The following SAP130 variants were observed in gnomAD, a reference collection of about 807,000 sequenced individuals.
The protein encoded by SAP130 is Sin3A associated protein 130.
Under a neutral mutation model 103.2 loss-of-function variants are expected in SAP130, and 16 were observed. That is an observed-to-expected ratio of 0.16 (90% confidence interval 0.10 to 0.24). The LOEUF is 0.24. Among genes scored for constraint, SAP130 ranks in the 10% least tolerant of loss-of-function variants. SAP130 has a pLI of 1.00. For synonymous variants in SAP130, 477 were observed against 497.0 expected (o/e 0.96, Z 0.53); for missense variants, 990 against 1,359.7 (o/e 0.73, Z 4.28).
intron 14 of SAP130, among the ~76,000 whole-genome samples, chr2:127,979,879 TC>T (rs368903956): frequency 6.6e-6 from 1 of 151,530 alleles, no homozygotes; most frequent in African/African-American, 2.4e-5. Flanking sequence ...AAAATTTTTT[TC>T]TTTTTTTTTT....
chr2:127,946,148 G>C (rs1679061701), intron 18 of SAP130, among the ~76,000 whole-genome samples: 1 of 152,142 alleles, frequency 6.6e-6, no homozygotes, highest in South Asian at 2.1e-4. Flanking sequence ...CATTTTGCCG[G>C]AAGAAGTGGG....
At chr2:127,995,318 T>C (rs1683098874) in intron 11 of SAP130, among the ~76,000 whole-genome samples, 3 of 151,970 alleles carry the variant, frequency 2.0e-5, no homozygotes, top group Admixed American at 6.6e-5. Flanking sequence ...ATCTAGAATA[T>C]CTCGTCATTG....
At position 128,005,657 on chromosome 2, in the gene SAP130, T is replaced by A. The variant is rs200714539; in HGVS notation, c.869+4612A>T. 2.6e-5 allele frequency among the ~76,000 whole-genome samples: 4 copies of A among 152,010 alleles called. No homozygotes were observed. The East Asian group carries it at 7.7e-4, about 29-fold the overall frequency. On this transcript the variant is annotated intron_variant, in intron 7 of 20. Coordinates refer to ENST00000643581, the MANE Select transcript of SAP130 (RefSeq NM_001330301.2). ...TTCATATAGTTTTTCTTTCTTTTTT[T>A]TTTTTTTGAGACAGTGTCTCGCTCT... is the stretch of plus-strand genomic sequence containing the variant.
In SAP130 at chr2:127,993,220, T is replaced by A. The variant is rs1358319543; in HGVS notation, c.1444A>T (p.Thr482Ser). 2 of 1,613,792 alleles carry A rather than the reference T, an allele frequency of 1.2e-6. No individual in the cohort carries two copies. Among genetic ancestry groups the A allele is most frequent in the Non-Finnish European group, 1.7e-6 (2 of 1,179,934 alleles). Residue 482 changes from threonine to serine, a missense_variant, in exon 12 of 21, where the codon ACC (threonine) becomes TCC (serine). Physicochemically the swap from Thr to Ser is moderately conservative, Grantham distance 58 (BLOSUM62 1). Coordinates refer to ENST00000643581, the MANE Select transcript of SAP130 (RefSeq NM_001330301.2). Reference sequence around the variant, plus strand: ...TGTCGGATAGTGGACACGGAACTGGTGATTGGGGTGTAGGTATGTGCCGCC... The same window carrying A: ...TGTCGGATAGTGGACACGGAACTGGAGATTGGGGTGTAGGTATGTGCCGCC... ...PLAAHTYTPI[T>S]SSVSTIRQYP...
intron 14 of SAP130, among the ~76,000 whole-genome samples, chr2:127,981,865 C>T (rs1681961449): frequency 6.6e-6 from 1 of 152,016 alleles, no homozygotes; most frequent in Admixed American, 6.6e-5. Context: ...CCGACCCCGA[C>T]CCAGTTCTGG....
At chr2:127,982,869 A>C (rs925847848) in intron 14 of SAP130, among the ~76,000 whole-genome samples, 1 of 152,130 alleles carries the variant, frequency 6.6e-6, no homozygotes, top group Non-Finnish European at 1.5e-5. Context: ...AATGGACTGG[A>C]GGCTGCTGGG....
At position 127,978,067 on chromosome 2, in the gene SAP130, T is replaced by C. The variant is rs1681599810; in HGVS notation, c.1981A>G (p.Ile661Val). ...TDGMAVRKTL[I>V]PPQPPDVASP... is the part of the protein sequence containing the mutation. ...GCAACATCAGGAGGCTGAGGAGGAA[T>C]GAGGGTTTTCCGAACTGCCATTCTG... The change falls in exon 15 of 21, where the codon ATT becomes GTT. Residue 661 changes from isoleucine to valine, a missense_variant. Around this residue, in one of 6 missense-constraint regions of SAP130, gnomAD observed 349 missense variants for 384.1 expected, o/e 0.91. Transcript: ENST00000643581. 3 of 1,551,608 alleles carry C rather than the reference T, an allele frequency of 1.9e-6. No individual in the cohort carries two copies. The highest frequency in any genetic ancestry group is 1.7e-6 in the Non-Finnish European group (2 of 1,147,004).
intron 13 of SAP130, among the ~76,000 whole-genome samples, chr2:127,987,590 T>C (rs1339733581): frequency 1.3e-5 from 2 of 152,084 alleles, no homozygotes; most frequent in African/African-American, 4.8e-5. Context: ...TACTAGTTAC[T>C]TTACATTTTT....
chr2:128,027,275 C>G, intron 1 of SAP130: 2 of 1,170,116 alleles, frequency 1.7e-6, no homozygotes, highest in Non-Finnish European at 1.1e-6. Flanking sequence ...ACCCGGCCGC[C>G]GCTGTGCTCG....
intron 15 of SAP130, among the ~76,000 whole-genome samples, chr2:127,971,316 C>T (rs1273894626): frequency 1.4e-4 from 20 of 146,138 alleles, no homozygotes; most frequent in Admixed American, 9.0e-4. Context: ...GACGGAGTCT[C>T]GCTCTGTCAC....
chr2:128,017,583 G>A, intron 3 of SAP130, 97 bp downstream of exon 3: 1 of 1,056,242 alleles, frequency 9.5e-7, no homozygotes, highest in Non-Finnish European at 1.4e-6. Flanking sequence ...AATGAAATGT[G>A]ATCCTAAGAT....
At chr2:128,026,092 A>G in intron 2 of SAP130, 89 bp downstream of exon 2, 2 of 863,932 alleles carry the variant, frequency 2.3e-6, no homozygotes, top group Middle Eastern at 3.3e-4. Flanking sequence ...ATTTACTAAA[A>G]TCCTAGAAGA....
intron 1 of SAP130, chr2:128,027,359 G>A (rs986279346): frequency 1.4e-5 from 16 of 1,147,930 alleles, no homozygotes; most frequent in East Asian, 4.3e-5. Flanking sequence ...CGTCAGTGGA[G>A]GCCCAGGACC....
intron 2 of SAP130, among the ~76,000 whole-genome samples, chr2:128,019,464 C>T (rs1227109872): frequency 1.3e-5 from 2 of 152,166 alleles, no homozygotes; most frequent in African/African-American, 4.8e-5. Context: ...AGAAAGAGTT[C>T]CACTATGTTG....
chr2:127,970,668 T>A (rs1681021520), intron 15 of SAP130, among the ~76,000 whole-genome samples: 1 of 151,764 alleles, frequency 6.6e-6, no homozygotes, highest in African/African-American at 2.4e-5. Context: ...GTACTCCAGC[T>A]TGGGTAACAG....
chr2:127,950,967 A>G (rs1026722970), intron 16 of SAP130, among the ~76,000 whole-genome samples: 1 of 152,248 alleles, frequency 6.6e-6, no homozygotes, highest in Non-Finnish European at 1.5e-5. Flanking sequence ...CAAAGGAGAT[A>G]ACAGGACCTT....
At chr2:127,994,540 C>T (rs1376760496) in intron 11 of SAP130, among the ~76,000 whole-genome samples, 2 of 152,070 alleles carry the variant, frequency 1.3e-5, no homozygotes, top group African/African-American at 4.8e-5. Flanking sequence ...TGCAGTGAGC[C>T]GAGACTGCAC....
intron 7 of SAP130, among the ~76,000 whole-genome samples, chr2:128,009,180 A>G (rs767288466): frequency 2.6e-5 from 4 of 152,000 alleles, no homozygotes; most frequent in Non-Finnish European, 5.9e-5. Context: ...ATCCTTCAAA[A>G]TCTACCCAGG....
At chr2:128,016,724 TCA>T (rs1490977191) in intron 3 of SAP130, among the ~76,000 whole-genome samples, 177 bp from the exon 4 acceptor site, 1 of 152,198 alleles carries the variant, frequency 6.6e-6, no homozygotes, top group Non-Finnish European at 1.5e-5. Flanking sequence ...CATTTCTATT[TCA>T]CAGATAAAGA....
Sources: gnomAD v4.1 joint callset for allele counts (sites outside exome capture counted in the v4.1 genomes callset) on GRCh38, gnomAD v4.1.1 for gene constraint, gnomAD v4.1.1 regional missense constraint, MANE v1.5 for transcripts, NCBI Gene and HGNC (gene_info 2026-07-23, HGNC 2026-07-21) for gene names.